INSL6: variants seen among roughly 807,000 people sequenced by gnomAD.
INSL6 encodes insulin like 6, also known as insulin-like peptide INSL6.
A neutral mutation model predicts 9.4 loss-of-function variants in INSL6; 16 were observed. The ratio of observed to expected loss-of-function variants is 1.70; its 90% CI spans 1.15 to 2.59. The LOEUF is 2.59. INSL6 is among the 30% of genes most tolerant of loss of function. The pLI is 0.00. For synonymous variants in INSL6, 154 were observed against 96.9 expected (o/e 1.59, Z -3.46); for missense variants, 391 against 257.3 (o/e 1.52, Z -3.56).
the INSL6 span, among the ~76,000 whole-genome samples, chr9:5,106,865 C>T: frequency 6.6e-6 from 1 of 152,086 alleles, no homozygotes; most frequent in South Asian, 2.1e-4. Context: ...CACTTGGACA[C>T]ATGGCAGGGA....
the INSL6 span, among the ~76,000 whole-genome samples, chr9:5,048,261 C>A: frequency 1.3e-5 from 2 of 152,086 alleles, no homozygotes; most frequent in African/African-American, 4.8e-5. Context: ...CCTGACTCAG[C>A]CTCCCTAGTA....
chr9:5,103,262 GTT>G, the INSL6 span, among the ~76,000 whole-genome samples: 3 of 105,866 alleles, frequency 2.8e-5, no homozygotes, highest in Non-Finnish European at 5.6e-5. Context: ...AAAAGCAGGA[GTT>G]GCAATCCCGG....
chr9:5,124,393 A>C (rs549993820), exon 4 of INSL6, among the ~76,000 whole-genome samples: 23 of 151,638 alleles, frequency 1.5e-4, no homozygotes, highest in Non-Finnish European at 2.8e-4. Flanking sequence ...CTATATGGTG[A>C]TAAATATGGG....
chr9:5,096,899 C>T, the INSL6 span: 2 of 152,100 alleles, frequency 1.3e-5, no homozygotes, highest in Admixed American at 1.3e-4. Context: ...TTGGGGGTTT[C>T]GGCAACTAAC....
the INSL6 span, chr9:5,099,782 T>C: frequency 8.5e-5 from 13 of 152,310 alleles, no homozygotes; most frequent in East Asian, 2.1e-3. Context: ...ATATCCCTAA[T>C]TATCTTCACT....
intron 1 of INSL6, among the ~76,000 whole-genome samples, chr9:5,177,428 T>A (rs1031093697): frequency 2.6e-5 from 4 of 152,170 alleles, no homozygotes; most frequent in Admixed American, 2.0e-4. Context: ...GGAGATCCCA[T>A]TGTGAGCCCA....
At chr9:5,148,185 T>G (rs562768543) in intron 2 of INSL6, among the ~76,000 whole-genome samples, 1 of 152,342 alleles carries the variant, frequency 6.6e-6, no homozygotes, top group Non-Finnish European at 1.5e-5. Context: ...AATTGTGGTA[T>G]AAACTGAGTA....
At chr9:5,161,238 G>A (rs973129551), downstream of INSL6, among the ~76,000 whole-genome samples, 4 of 152,116 alleles carry the variant, frequency 2.6e-5, no homozygotes, top group African/African-American at 9.7e-5. Context: ...CATTCATCAT[G>A]ACCAAGGAGT....
the INSL6 span, among the ~76,000 whole-genome samples, chr9:5,045,666 G>A: frequency 6.6e-6 from 1 of 152,070 alleles, no homozygotes; most frequent in Non-Finnish European, 1.5e-5. Flanking sequence ...GAGTTATATA[G>A]CATTTGTCCT....
chr9:5,029,741 G>T, the INSL6 span: 5 of 1,552,822 alleles, frequency 3.2e-6, no homozygotes, highest in East Asian at 1.2e-4. Context: ...AAAATATTCT[G>T]TTGTGTACCT....
chr9:5,156,471 A>C (rs561691633), intron 2 of INSL6, among the ~76,000 whole-genome samples: 16 of 152,342 alleles, frequency 1.1e-4, no homozygotes, highest in Admixed American at 2.6e-4. Context: ...AGAATAAAGA[A>C]GAAAGCCCCC....
the INSL6 span, chr9:5,072,715 T>C: frequency 1.0e-6 from 1 of 990,690 alleles, no homozygotes; most frequent in Non-Finnish European, 1.4e-6. Flanking sequence ...TGTGCAGCTT[T>C]TCAAAATTGT....
intron 1 of INSL6, among the ~76,000 whole-genome samples, chr9:5,178,812 G>C (rs1490755128): frequency 6.6e-6 from 1 of 152,100 alleles, no homozygotes; most frequent in East Asian, 1.9e-4. Context: ...CTAGCTGTAG[G>C]CTCAAAATTG....
the INSL6 span, among the ~76,000 whole-genome samples, chr9:5,053,761 G>GTCCTTT: frequency 6.6e-6 from 1 of 151,984 alleles, no homozygotes; most frequent in Admixed American, 6.6e-5. Flanking sequence ...AATTTAGCAA[G>GTCCTTT]TCCTTTGTGC....
intron 3 of INSL6, among the ~76,000 whole-genome samples, chr9:5,133,134 G>A (rs529675043): frequency 2.0e-5 from 3 of 150,404 alleles, no homozygotes; most frequent in Non-Finnish European, 1.5e-5. Context: ...CAGAAATACA[G>A]TACATAAACA....
chr9:5,090,027 A>G, the INSL6 span, among the ~76,000 whole-genome samples: 2 of 152,232 alleles, frequency 1.3e-5, no homozygotes, highest in East Asian at 3.8e-4. Flanking sequence ...GACTATAACT[A>G]TAGGAAGTAT....
chr9:5,043,031 G>A, the INSL6 span, among the ~76,000 whole-genome samples: 1 of 152,230 alleles, frequency 6.6e-6, no homozygotes, highest in Non-Finnish European at 1.5e-5. Context: ...CCTGGGCCCT[G>A]CTGTGTGGAG....
chr9:5,117,804 A>G, the INSL6 span, among the ~76,000 whole-genome samples: 1 of 152,192 alleles, frequency 6.6e-6, no homozygotes, highest in Admixed American at 6.5e-5. Context: ...CCTGAGATCA[A>G]AAGCTTTGAG....
the INSL6 span, among the ~76,000 whole-genome samples, chr9:5,033,561 C>G: frequency 2.6e-5 from 4 of 152,280 alleles, no homozygotes; most frequent in South Asian, 6.2e-4. Flanking sequence ...ACTCTACAAG[C>G]CAGAAGAGAG....
Sources: allele counts gnomAD v4.1 joint callset (sites outside exome capture counted in the v4.1 genomes callset), GRCh38; gene constraint gnomAD v4.1.1; transcripts MANE v1.5; gene names NCBI Gene and HGNC (gene_info 2026-07-23, HGNC 2026-07-21).